The following GLDC variants were observed in gnomAD, a reference collection of about 807,000 sequenced individuals.
GLDC encodes glycine decarboxylase, also known as glycine dehydrogenase (decarboxylating), mitochondrial.
GLDC carries 104 observed loss-of-function variants against 121.3 expected under a neutral mutation model. The ratio of observed to expected loss-of-function variants is 0.86; its 90% CI spans 0.73 to 1.01. The LOEUF (loss-of-function observed/expected upper bound fraction) is 1.01. GLDC is among the 50% of genes least tolerant of loss of function. The pLI, the probability that GLDC is intolerant of heterozygous loss-of-function variation, is 0.00. For missense variants in GLDC, 1,429 were observed against 1,306.6 expected, an observed-to-expected ratio of 1.09 and a Z score of -1.44; for synonymous variants, 546 against 480.6, an observed-to-expected ratio of 1.14 and a Z score of -1.78.
intron 8 of GLDC, among the ~76,000 whole-genome samples, chr9:6,599,768 G>T (rs1174116285): frequency 6.6e-6 from 1 of 150,780 alleles, no homozygotes. Context: ...ATAAAGATCA[G>T]CTTGCTGTTC....
intron 15 of GLDC, chr9:6,568,738 A>T (rs985324544): frequency 6.6e-6 from 1 of 152,220 alleles, no homozygotes; most frequent in Non-Finnish European, 1.5e-5. Flanking sequence ...AATCCAGACT[A>T]CTTGGGAGGC....
intron 16 of GLDC, 80 bp from the exon 17 acceptor site, chr9:6,558,764 C>T (rs1337462026): frequency 2.0e-5 from 29 of 1,449,298 alleles, no homozygotes; most frequent in Non-Finnish European, 2.7e-5. Context: ...CTACAACATG[C>T]TTGTAGCACA....
At chr9:6,535,155 G>A (rs1324966209) in intron 23 of GLDC, among the ~76,000 whole-genome samples, 2 of 152,046 alleles carry the variant, frequency 1.3e-5, no homozygotes, top group Non-Finnish European at 2.9e-5. Context: ...TACTGCATAT[G>A]TTAATAAACT....
At chr9:6,565,921 C>G (rs151060929) in intron 15 of GLDC, 149 of 220,340 alleles carry the variant, frequency 6.8e-4, no homozygotes, top group African/African-American at 3.4e-3. Context: ...CAATATGCAG[C>G]CTTCAAAGAT....
At chr9:6,593,012 C>T in intron 9 of GLDC, 22 bp from the exon 10 acceptor site, 1 of 1,613,524 alleles carries the variant, frequency 6.2e-7, no homozygotes, top group Non-Finnish European at 8.5e-7. Flanking sequence ...AGGAGATCCC[C>T]CAAACTCTCA....
chr9:6,547,997 G>C (rs546604603), intron 21 of GLDC, among the ~76,000 whole-genome samples: 1 of 152,088 alleles, frequency 6.6e-6, no homozygotes, highest in South Asian at 2.1e-4. Context: ...AATTAGCCAG[G>C]TGTGGCGGGT....
In GLDC at chr9:6,645,258, G is replaced by C. The variant is rs1819719355; in HGVS notation, c.242C>G (p.Thr81Ser). 5.6e-6 allele frequency: 9 copies of C among 1,598,806 alleles called. No individual in the cohort carries two copies. The South Asian group carries it at 7.8e-5, about 14-fold the overall frequency. ...GGAGGTCCTTACCGCCAGCCCCAAG[G>C]TCTGCAGCATCTCTCTCTGGTCTTT... is the stretch of plus-strand genomic sequence containing the variant. ...GDKDQREMLQ[T>S]LGLASIDELI... Residue 81 changes from threonine to serine, a missense_variant, in exon 1 of 25, where the codon ACC (threonine) becomes AGC (serine). Physicochemically the swap from Thr to Ser is moderately conservative, Grantham distance 58. Transcript: ENST00000321612.
At position 6,592,787 on chromosome 9, in the gene GLDC, C is replaced by G. The variant is rs77808781; in HGVS notation, c.1401+64G>C. On this transcript the variant is annotated intron_variant, in intron 10 of 24. Transcript: ENST00000321612. ...TTATTTTTTAAAAACAAAGAGAAAACCTTTTAATGAGAAACAATGTGAAAA... is the reference window on the plus strand; with the variant it reads ...TTATTTTTTAAAAACAAAGAGAAAAGCTTTTAATGAGAAACAATGTGAAAA... The G allele has an allele frequency of 4.4e-3, 6,431 of 1,468,598 alleles. 227 individuals carry two copies. The African/African-American group carries it at 0.078, about 18-fold the overall frequency. 91.0% of individuals were successfully genotyped at this position (1,468,598 alleles called of 1,614,324 possible).
chr9:6,601,301 C>G (rs533903172), intron 8 of GLDC, among the ~76,000 whole-genome samples: 1 of 152,358 alleles, frequency 6.6e-6, no homozygotes, highest in African/African-American at 2.4e-5. Context: ...CCTGGAGAGG[C>G]TCCTTCTCAG....
At chr9:6,617,691 G>A (rs1214798245) in intron 3 of GLDC, among the ~76,000 whole-genome samples, 2 of 152,212 alleles carry the variant, frequency 1.3e-5, no homozygotes, top group Non-Finnish European at 2.9e-5. Context: ...ATACTGGAAT[G>A]ATTGTGCTGA....
chr9:6,591,889 C>G (rs893162155), intron 11 of GLDC: 3 of 431,770 alleles, frequency 6.9e-6, no homozygotes, highest in Non-Finnish European at 1.3e-5. Context: ...CCATCCCCAG[C>G]CTAGAGGCAC....
chr9:6,620,267 G>A lies in GLDC; in HGVS notation c.387C>T (p.Ile129=). 6.2e-7 allele frequency: 1 copy of A among 1,613,482 alleles called. No individual in the cohort carries two copies. The highest frequency in any genetic ancestry group is 8.5e-7 in the Non-Finnish European group (1 of 1,179,382). The change falls in exon 3 of 25, where the codon ATC becomes ATT. Residue 129 remains isoleucine (I), a synonymous_variant. Coordinates refer to ENST00000321612, the MANE Select transcript of GLDC (RefSeq NM_000170.3). Reference sequence around the variant, plus strand: ...AGCCCATGCCAATATACGATCTCCAGATCTGGTTTTTGCTTGAAATGGCAT... The same window carrying A: ...AGCCCATGCCAATATACGATCTCCAAATCTGGTTTTTGCTTGAAATGGCAT... ...TLHAISSKNQ[I]WRSYIGMGYY...
At chr9:6,582,781 A>G (rs1262590530) in intron 15 of GLDC, among the ~76,000 whole-genome samples, 3 of 151,770 alleles carry the variant, frequency 2.0e-5, no homozygotes, top group African/African-American at 4.8e-5. Flanking sequence ...GTGAGCCGAT[A>G]TCGCGCCACT....
intron 2 of GLDC, among the ~76,000 whole-genome samples, chr9:6,634,453 T>C (rs1283426782): frequency 6.6e-6 from 1 of 151,782 alleles, no homozygotes. Flanking sequence ...CGCTTGAGCC[T>C]GGGAGGCAGA....
chr9:6,611,140 A>G (rs1174699761), intron 3 of GLDC, among the ~76,000 whole-genome samples: 5 of 152,250 alleles, frequency 3.3e-5, no homozygotes, highest in African/African-American at 4.8e-5. Context: ...CATGGCAGTT[A>G]ACTCTATGGC....
intron 2 of GLDC, among the ~76,000 whole-genome samples, chr9:6,629,440 C>G (rs1345353315): frequency 6.6e-6 from 1 of 151,952 alleles, no homozygotes; most frequent in Non-Finnish European, 1.5e-5. Context: ...GTCTTGAACT[C>G]CTGACCTCAG....
intron 8 of GLDC, among the ~76,000 whole-genome samples, chr9:6,599,371 GT>G (rs1479974009): frequency 6.6e-6 from 1 of 151,994 alleles, no homozygotes; most frequent in Admixed American, 6.6e-5. Context: ...AAGGGAAAAC[GT>G]AAGCAGAGAA....
chr9:6,598,431 CAG>C (rs1818534629), intron 8 of GLDC, among the ~76,000 whole-genome samples: 1 of 152,168 alleles, frequency 6.6e-6, no homozygotes. Context: ...AACACACTTT[CAG>C]AGATTAAAAA....
At chr9:6,641,543 T>G (rs1819628622) in intron 2 of GLDC, among the ~76,000 whole-genome samples, 1 of 152,234 alleles carries the variant, frequency 6.6e-6, no homozygotes, top group African/African-American at 2.4e-5. Flanking sequence ...TGCCTGGGTT[T>G]GAATTCTGCC....
Sources: allele counts gnomAD v4.1 joint callset (sites outside exome capture counted in the v4.1 genomes callset), GRCh38; gene constraint gnomAD v4.1.1; transcripts MANE v1.5; gene names NCBI Gene and HGNC (gene_info 2026-07-23, HGNC 2026-07-21).